ZNF722: variants seen among roughly 807,000 people sequenced by gnomAD.
The protein encoded by ZNF722 is zinc finger protein 722, also known as zinc finger protein 479 pseudogene.
At chr7:64,006,630 T>C in the ZNF722 span, among the ~76,000 whole-genome samples, 2 of 152,154 alleles carry the variant, frequency 1.3e-5, no homozygotes, top group Non-Finnish European at 2.9e-5. Context: ...CACACTAATA[T>C]TTGCATATTT....
chr7:63,998,993 G>A, the ZNF722 span: 128 of 1,575,858 alleles, frequency 8.1e-5, no homozygotes, highest in Non-Finnish European at 1.0e-4. Flanking sequence ...CCTGGAAGCC[G>A]AGAAATGGTG....
At chr7:64,012,953 A>G in the ZNF722 span, among the ~76,000 whole-genome samples, 4 of 152,154 alleles carry the variant, frequency 2.6e-5, no homozygotes, top group African/African-American at 4.8e-5. Flanking sequence ...CACTCGCATC[A>G]TCTTTCACCA....
At chr7:64,007,831 A>G in the ZNF722 span, among the ~76,000 whole-genome samples, 1 of 152,178 alleles carries the variant, frequency 6.6e-6, no homozygotes, top group Non-Finnish European at 1.5e-5. Context: ...GTCTTCCACA[A>G]TGGTTGAACT....
the ZNF722 span, chr7:64,015,900 A>G: frequency 6.5e-7 from 1 of 1,540,522 alleles, no homozygotes; most frequent in Non-Finnish European, 8.9e-7. Flanking sequence ...TACTGGAGAG[A>G]AACCCTACAA....
At chr7:64,005,867 T>C in the ZNF722 span, 1 of 933,870 alleles carries the variant, frequency 1.1e-6, no homozygotes, top group Non-Finnish European at 1.6e-6. Flanking sequence ...TGGGGATTCA[T>C]TGGTGTAGAA....
At chr7:64,015,337 G>A in the ZNF722 span, 1 of 1,379,492 alleles carries the variant, frequency 7.2e-7, no homozygotes, top group Non-Finnish European at 1.0e-6. Flanking sequence ...AAAAAATATG[G>A]CAAATCGTTT....
At chr7:64,002,951 TAATGTGTCTGGG>T in the ZNF722 span, among the ~76,000 whole-genome samples, 1 of 152,234 alleles carries the variant, frequency 6.6e-6, no homozygotes, top group Admixed American at 6.5e-5. Context: ...CTAATGCTAA[TAATGTGTCTGGG>T]AAAGCACAGT....
At chr7:64,010,455 T>C in the ZNF722 span, among the ~76,000 whole-genome samples, 1 of 152,200 alleles carries the variant, frequency 6.6e-6, no homozygotes, top group Non-Finnish European at 1.5e-5. Flanking sequence ...TTTGTTCTCA[T>C]TGGTTTCAAA....
the ZNF722 span, among the ~76,000 whole-genome samples, chr7:64,004,425 A>AAAATATAT: frequency 5.2e-4 from 32 of 61,102 alleles, no homozygotes; most frequent in African/African-American, 1.2e-3. Context: ...AAAAAAAAAA[A>AAAATATAT]ATATATATAT....
the ZNF722 span, among the ~76,000 whole-genome samples, chr7:64,014,851 GGT>G: frequency 6.6e-6 from 1 of 152,084 alleles, no homozygotes; most frequent in Admixed American, 6.6e-5. Flanking sequence ...TTCCAACAAA[GGT>G]ATTTTGATCA....
At chr7:63,999,515 C>G in the ZNF722 span, among the ~76,000 whole-genome samples, 52 of 152,216 alleles carry the variant, frequency 3.4e-4, 1 homozygote, top group South Asian at 3.9e-3. Flanking sequence ...GAAGGAAATT[C>G]TGTTATAAGT....
chr7:64,004,656 T>G, the ZNF722 span, among the ~76,000 whole-genome samples: 2 of 151,910 alleles, frequency 1.3e-5, no homozygotes, highest in Non-Finnish European at 2.9e-5. Flanking sequence ...TTAAGTACAC[T>G]TAGGAGATTT....
At chr7:64,007,915 A>G in the ZNF722 span, among the ~76,000 whole-genome samples, 282 of 152,218 alleles carry the variant, frequency 1.9e-3, 1 homozygote, top group African/African-American at 6.6e-3. Context: ...TTGTTTCCTG[A>G]TGTATTAATG....
the ZNF722 span, chr7:64,016,191 T>TGTA: frequency 3.5e-6 from 1 of 283,484 alleles, no homozygotes; most frequent in Non-Finnish European, 6.6e-6. Context: ...CAGGCTGCAG[T>TGTA]GCAGTGGCAC....
the ZNF722 span, among the ~76,000 whole-genome samples, chr7:64,007,077 C>T: frequency 6.6e-6 from 1 of 151,488 alleles, no homozygotes; most frequent in Non-Finnish European, 1.5e-5. Context: ...ACATCATCAA[C>T]ATAGTTGGTG....
chr7:64,012,947 C>A, the ZNF722 span, among the ~76,000 whole-genome samples: 1 of 152,148 alleles, frequency 6.6e-6, no homozygotes, highest in Non-Finnish European at 1.5e-5. Context: ...ACCTCACACT[C>A]GCATCATCTT....
At chr7:64,015,422 C>T in the ZNF722 span, 7 of 1,583,824 alleles carry the variant, frequency 4.4e-6, no homozygotes, top group East Asian at 4.5e-5. Context: ...AAGAATGCGG[C>T]AAATCCTTTA....
chr7:64,017,112 G>A, the ZNF722 span, among the ~76,000 whole-genome samples: 22 of 152,150 alleles, frequency 1.4e-4, no homozygotes, highest in African/African-American at 5.1e-4. Flanking sequence ...TAGGTTGGGC[G>A]TGTTGGCTCA....
chr7:64,000,468 T>TTTTTTTTTGG, the ZNF722 span, among the ~76,000 whole-genome samples: 1 of 127,942 alleles, frequency 7.8e-6, no homozygotes, highest in Non-Finnish European at 1.6e-5. Context: ...TTTTTTTTTT[T>TTTTTTTTTGG]GAGAGGGAGT....
Sources: gnomAD v4.1 joint callset for allele counts (sites outside exome capture counted in the v4.1 genomes callset) on GRCh38, gnomAD v4.1.1 for gene constraint, MANE v1.5 for transcripts, NCBI Gene and HGNC (gene_info 2026-07-23, HGNC 2026-07-21) for gene names.